The following RGS6 variants were observed in gnomAD, a reference collection of about 807,000 sequenced individuals.
RGS6 encodes the protein regulator of G-protein signaling 6.
RGS6 carries 30 observed loss-of-function variants against 78.5 expected under a neutral mutation model. That is an observed-to-expected ratio of 0.38 (90% CI 0.29 to 0.52). The LOEUF (loss-of-function observed/expected upper bound fraction) is 0.52. RGS6 is among the 20% of genes least tolerant of loss of function. The probability of loss-of-function intolerance (pLI) is 0.85; values close to 1 mark genes in which losing one functional copy is unlikely to be tolerated. For missense variants in RGS6, 495 were observed against 609.7 expected (o/e 0.81, Z 1.98); for synonymous variants, 206 against 206.0 (o/e 1.00, Z 0.00).
intron 14 of RGS6, 114 bp from the exon 15 acceptor site, chr14:72,518,237 A>C: frequency 1.1e-6 from 1 of 941,114 alleles, no homozygotes; most frequent in South Asian, 1.7e-5. Context: ...GCATCAGGGC[A>C]GGCTGAGAGA....
intron 2 of RGS6, among the ~76,000 whole-genome samples, chr14:71,993,416 A>AC (rs2095052963): frequency 6.6e-6 from 1 of 152,182 alleles, no homozygotes; most frequent in Non-Finnish European, 1.5e-5. Flanking sequence ...AATAATAGTA[A>AC]TAATAATGAA....
intron 2 of RGS6, among the ~76,000 whole-genome samples, chr14:72,129,207 A>G (rs188903681): frequency 9.8e-4 from 149 of 152,312 alleles, no homozygotes; most frequent in Non-Finnish European, 1.2e-4. Context: ...TAAAGAAGGC[A>G]ATACTGCTGG....
At chr14:72,234,731 T>C (rs1200735173) in intron 2 of RGS6, among the ~76,000 whole-genome samples, 4 of 152,056 alleles carry the variant, frequency 2.6e-5, no homozygotes, top group East Asian at 1.9e-4. Flanking sequence ...CATCAGCCCA[T>C]TGGGCTGATT....
intron 3 of RGS6, among the ~76,000 whole-genome samples, chr14:72,358,193 T>A (rs1402990615): frequency 5.9e-5 from 9 of 152,256 alleles, no homozygotes; most frequent in African/African-American, 2.2e-4. Context: ...CAGGCAGAGG[T>A]GTGCTGCAGG....
intron 3 of RGS6, among the ~76,000 whole-genome samples, chr14:72,452,224 TTCTCTCTC>T (rs56308165): frequency 1.3e-4 from 19 of 147,942 alleles, no homozygotes; most frequent in African/African-American, 2.0e-4. Context: ...CACATATTCA[TTCTCTCTC>T]TCTCTCTCTC....
At chr14:72,348,018 T>A (rs1274283728) in intron 2 of RGS6, among the ~76,000 whole-genome samples, 1 of 152,192 alleles carries the variant, frequency 6.6e-6, no homozygotes, top group Non-Finnish European at 1.5e-5. Flanking sequence ...GAACTCACTC[T>A]GGGATCCACA....
intron 2 of RGS6, among the ~76,000 whole-genome samples, chr14:71,983,783 T>C (rs900672987): frequency 2.0e-5 from 3 of 152,232 alleles, no homozygotes; most frequent in African/African-American, 7.2e-5. Flanking sequence ...AGACCCTAAT[T>C]TCCAAATGAA....
intron 2 of RGS6, among the ~76,000 whole-genome samples, chr14:72,076,982 T>C (rs2094600960): frequency 6.7e-6 from 1 of 149,212 alleles, no homozygotes. Context: ...ATGTTATATA[T>C]ATATAGCCAA....
At chr14:72,467,575 G>A (rs1362791437) in intron 7 of RGS6, among the ~76,000 whole-genome samples, 2 of 152,166 alleles carry the variant, frequency 1.3e-5, no homozygotes, top group African/African-American at 2.4e-5. Context: ...GGAGCAGGAC[G>A]TGTGCATGGT....
At chr14:72,269,495 A>G (rs2059591394) in intron 2 of RGS6, among the ~76,000 whole-genome samples, 1 of 151,302 alleles carries the variant, frequency 6.6e-6, no homozygotes, top group South Asian at 2.1e-4. Context: ...TTATCCCAGG[A>G]GACTGCATGA....
intron 2 of RGS6, among the ~76,000 whole-genome samples, chr14:72,042,473 T>A (rs1157719869): frequency 6.6e-6 from 1 of 152,142 alleles, no homozygotes; most frequent in Non-Finnish European, 1.5e-5. Context: ...CTTAGTAGGA[T>A]ATATATGTAA....
the RGS6 span, among the ~76,000 whole-genome samples, chr14:72,602,868 G>A: frequency 6.6e-6 from 1 of 152,234 alleles, no homozygotes; most frequent in Non-Finnish European, 1.5e-5. Flanking sequence ...GATCCACGTT[G>A]AGAAAGGCAG....
chr14:71,887,532 G>A, the RGS6 span, among the ~76,000 whole-genome samples: 2 of 152,122 alleles, frequency 1.3e-5, no homozygotes, highest in Non-Finnish European at 1.5e-5. Flanking sequence ...TTCCTGGGGG[G>A]AGGTCTATAA....
chr14:71,964,500 C>G (rs1024388301), intron 1 of RGS6, among the ~76,000 whole-genome samples: 6 of 151,940 alleles, frequency 3.9e-5, no homozygotes, highest in African/African-American at 9.7e-5. Context: ...GAGCGAAACT[C>G]TGTCTCAAAA....
intron 2 of RGS6, among the ~76,000 whole-genome samples, chr14:72,007,829 G>A (rs1246031595): frequency 2.0e-5 from 3 of 152,090 alleles, no homozygotes; most frequent in Non-Finnish European, 4.4e-5. Flanking sequence ...AGCCTAAAGG[G>A]ATTCCCAGAA....
chr14:72,408,232 T>C (rs1383785732), intron 3 of RGS6, among the ~76,000 whole-genome samples: 1 of 152,240 alleles, frequency 6.6e-6, no homozygotes, highest in Non-Finnish European at 1.5e-5. Flanking sequence ...CTCGAGTCTG[T>C]TTATACTAAG....
intron 3 of RGS6, 145 bp from the exon 4 acceptor site, chr14:72,454,383 G>C: frequency 1.3e-6 from 1 of 760,690 alleles, no homozygotes. Flanking sequence ...GGAAAGGGTT[G>C]GTTAGGACAA....
chr14:71,979,092 G>T (rs957966915), intron 2 of RGS6, among the ~76,000 whole-genome samples: 25 of 151,050 alleles, frequency 1.7e-4, no homozygotes, highest in African/African-American at 4.9e-4. Flanking sequence ...TTGTATTTCT[G>T]TGGGATCGGT....
chr14:72,559,935 A>AAAT (rs1276997120), intron 17 of RGS6, among the ~76,000 whole-genome samples: 1 of 152,124 alleles, frequency 6.6e-6, no homozygotes, highest in Non-Finnish European at 1.5e-5. Flanking sequence ...AATCCTCCAG[A>AAAT]AATAGAATCT....
Sources: gnomAD v4.1 joint callset for allele counts (sites outside exome capture counted in the v4.1 genomes callset) on GRCh38, gnomAD v4.1.1 for gene constraint, MANE v1.5 for transcripts, NCBI Gene and HGNC (gene_info 2026-07-23, HGNC 2026-07-21) for gene names.